ADGRL4: variants seen among roughly 807,000 people sequenced by gnomAD.
ADGRL4 encodes adhesion G protein-coupled receptor L4.
Under a neutral mutation model 74.8 loss-of-function variants are expected in ADGRL4, and 90 were observed. The ratio of observed to expected loss-of-function variants is 1.20; its 90% CI spans 1.02 to 1.43. ADGRL4 has a LOEUF of 1.43. Ranked by LOEUF, ADGRL4 falls within the 40% of genes most tolerant of loss-of-function variation. ADGRL4 has a pLI of 0.00. For synonymous variants in ADGRL4, 311 were observed against 279.2 expected (o/e 1.11, Z -1.14); for missense variants, 881 against 814.3 (o/e 1.08, Z -1.00).
chr1:78,968,799 A>G (rs1343286516), intron 2 of ADGRL4, among the ~76,000 whole-genome samples: 2 of 152,196 alleles, frequency 1.3e-5, no homozygotes, highest in East Asian at 3.8e-4. Flanking sequence ...TTTGTTATTC[A>G]CAGACGATTG....
At position 78,989,996 on chromosome 1, in the gene ADGRL4, T is replaced by A. The variant is rs1378889558; in HGVS notation, c.172+15074A>T. Among the ~76,000 whole-genome samples, 4 of 152,048 alleles carry A rather than the reference T, an allele frequency of 2.6e-5. No homozygotes were observed. The East Asian group carries it at 7.7e-4, about 29-fold the overall frequency. On this transcript the variant is annotated intron_variant, in intron 2 of 14. Coordinates refer to ENST00000370742, the MANE Select transcript of ADGRL4 (RefSeq NM_022159.4). Reference sequence around the variant, plus strand: ...AGGCCCTGACTCTCACAATAAGCTGTAATTCTACTTCCCATTGATTATCAG... The same window carrying A: ...AGGCCCTGACTCTCACAATAAGCTGAAATTCTACTTCCCATTGATTATCAG...
chr1:78,983,040 A>G (rs866703490), intron 2 of ADGRL4, among the ~76,000 whole-genome samples: 19 of 151,824 alleles, frequency 1.3e-4, no homozygotes, highest in African/African-American at 4.6e-4. Context: ...ATGTCTAATG[A>G]CATGCCTATG....
chr1:78,913,669 G>A (rs1648809337), intron 12 of ADGRL4, among the ~76,000 whole-genome samples: 1 of 151,708 alleles, frequency 6.6e-6, no homozygotes, highest in Admixed American at 6.6e-5. Context: ...AATCACTAAT[G>A]GGTACTAGGC....
chr1:78,981,373 C>A (rs17102566), intron 2 of ADGRL4, among the ~76,000 whole-genome samples: 2,272 of 151,942 alleles, frequency 0.015, 59 homozygotes, highest in African/African-American at 0.052. Flanking sequence ...CTTTATCATG[C>A]CCATTTCATA....
At chr1:78,956,556 A>G (rs987945133) in intron 2 of ADGRL4, among the ~76,000 whole-genome samples, 3 of 152,142 alleles carry the variant, frequency 2.0e-5, no homozygotes, top group African/African-American at 7.2e-5. Context: ...CCTAACACTC[A>G]TTTTGCAAAT....
chr1:78,995,502 G>T (rs1158775722), intron 2 of ADGRL4, among the ~76,000 whole-genome samples: 1 of 152,198 alleles, frequency 6.6e-6, no homozygotes, highest in Non-Finnish European at 1.5e-5. Flanking sequence ...AGTAGATAAA[G>T]CATCTCCTGC....
intron 12 of ADGRL4, among the ~76,000 whole-genome samples, chr1:78,901,388 C>A (rs1648514745): frequency 6.6e-6 from 1 of 152,052 alleles, no homozygotes; most frequent in Non-Finnish European, 1.5e-5. Context: ...TTTAGATGTT[C>A]CAACTATTGT....
chr1:78,890,443 C>T lies in ADGRL4; in HGVS notation c.*711G>A, dbSNP rs12061538. 3 of 149,662 alleles carry T rather than the reference C, an allele frequency of 2.0e-5. No homozygotes were observed. The highest frequency in any genetic ancestry group is 4.4e-5 in the Non-Finnish European group (3 of 67,698). The allele number at this position is 149,662 out of a possible 1,614,324, so 9.3% of individuals were successfully genotyped here. On this transcript the variant is annotated 3_prime_UTR_variant, in exon 15 of 15. Coordinates refer to ENST00000370742, the MANE Select transcript of ADGRL4 (RefSeq NM_022159.4). ...GAAATAGTATATATCTCAGTCTAAC[C>T]TTAGAAACAGATTTTTTTCACTTTT...
chr1:78,972,086 T>C (rs1446038701), intron 2 of ADGRL4, among the ~76,000 whole-genome samples: 1 of 152,198 alleles, frequency 6.6e-6, no homozygotes, highest in Non-Finnish European at 1.5e-5. Flanking sequence ...AAACCTTAAA[T>C]ATCCTAAAGT....
At chr1:78,961,715 C>T (rs1649956115) in intron 2 of ADGRL4, among the ~76,000 whole-genome samples, 1 of 151,946 alleles carries the variant, frequency 6.6e-6, no homozygotes, top group Non-Finnish European at 1.5e-5. Context: ...TTAAATGGCA[C>T]CATTGTATGA....
intron 2 of ADGRL4, among the ~76,000 whole-genome samples, chr1:78,955,193 GT>G (rs1358981350): frequency 1.3e-5 from 2 of 151,976 alleles, no homozygotes; most frequent in Admixed American, 1.3e-4. Flanking sequence ...ATATTACTGA[GT>G]ACAGAACCCT....
rs567076463 is a variant in ADGRL4 at position 79,006,723 on chromosome 1, C to G, written c.-69G>C. The G allele has an allele frequency of 1.4e-6, 2 of 1,395,934 alleles. No individual in the cohort carries two copies. Among genetic ancestry groups the G allele is most frequent in the South Asian group, 3.2e-5 (2 of 61,798 alleles). 86.5% of individuals were successfully genotyped at this position (1,395,934 alleles called of 1,614,324 possible). A position where few individuals can be genotyped will look rare whatever the true frequency, so the allele number is the denominator to read the frequency against. On this transcript the variant is annotated 5_prime_UTR_variant, in exon 1 of 15. Transcript: ENST00000370742. ...GTGAGTGCGGCTGTGGACCCGGGACCGGGCGCCGCTGGGCGGGCGCGGCAG... is the reference window on the plus strand; with the variant it reads ...GTGAGTGCGGCTGTGGACCCGGGACGGGGCGCCGCTGGGCGGGCGCGGCAG...
intron 2 of ADGRL4, among the ~76,000 whole-genome samples, chr1:78,981,162 C>T (rs1650390308): frequency 6.6e-6 from 1 of 151,898 alleles, no homozygotes; most frequent in East Asian, 1.9e-4. Context: ...CAATCCCTTT[C>T]CCCCAAAGCA....
At chr1:78,974,060 C>T (rs549323351) in intron 2 of ADGRL4, among the ~76,000 whole-genome samples, 13 of 152,264 alleles carry the variant, frequency 8.5e-5, no homozygotes, top group African/African-American at 1.2e-4. Flanking sequence ...CAGCACCCCA[C>T]GCAAGCCTGT....
At chr1:78,969,107 A>G (rs1203479881) in intron 2 of ADGRL4, among the ~76,000 whole-genome samples, 1 of 152,190 alleles carries the variant, frequency 6.6e-6, no homozygotes, top group Non-Finnish European at 1.5e-5. Context: ...GCCTTTAATA[A>G]TTGAGTAAGG....
At chr1:78,930,686 T>C (rs1389430386) in intron 7 of ADGRL4, among the ~76,000 whole-genome samples, 1 of 151,072 alleles carries the variant, frequency 6.6e-6, no homozygotes, top group Non-Finnish European at 1.5e-5. Context: ...CCTGACCTCA[T>C]GATCCACCCA....
chr1:78,998,174 C>T (rs12040784), intron 2 of ADGRL4, among the ~76,000 whole-genome samples: 41,936 of 151,604 alleles, frequency 0.28, 5,830 homozygotes, highest in Non-Finnish European at 0.29. Context: ...TGAACTGCCC[C>T]CTTTTGTGGC....
At chr1:78,969,742 G>A (rs1650133320) in intron 2 of ADGRL4, among the ~76,000 whole-genome samples, 1 of 151,150 alleles carries the variant, frequency 6.6e-6, no homozygotes, top group Admixed American at 6.6e-5. Context: ...GAGGACTGGA[G>A]AGAGAGAAAT....
intron 12 of ADGRL4, among the ~76,000 whole-genome samples, chr1:78,894,478 T>G (rs77332496): frequency 0.017 from 2,597 of 151,908 alleles, 91 homozygotes; most frequent in African/African-American, 0.06. Context: ...TTGATTTAGG[T>G]GATAGTTCCA....
Sources: allele counts gnomAD v4.1 joint callset (sites outside exome capture counted in the v4.1 genomes callset), GRCh38; gene constraint gnomAD v4.1.1; transcripts MANE v1.5; gene names NCBI Gene and HGNC (gene_info 2026-07-23, HGNC 2026-07-21).